Variants in KCTD1 observed in about 807,000 individuals in gnomAD.
KCTD1 encodes BTB/POZ domain-containing protein KCTD1.
Under a neutral mutation model 66.0 loss-of-function variants are expected in KCTD1, and 24 were observed. That is an observed-to-expected ratio of 0.36 (90% CI 0.26 to 0.51). KCTD1 has a LOEUF of 0.51. Ranked by LOEUF, KCTD1 falls within the 20% of genes least tolerant of loss-of-function variation. KCTD1 has a pLI of 0.95. For missense variants in KCTD1, 943 were observed against 1,205.2 expected (o/e 0.78, Z 3.22); for synonymous variants, 511 against 517.2 (o/e 0.99, Z 0.16).
chr18:26,617,250 A>C (rs1359073856), intron 1 of KCTD1, among the ~76,000 whole-genome samples: 1 of 152,208 alleles, frequency 6.6e-6, no homozygotes, highest in East Asian at 1.9e-4. Context: ...CTGCTCAAAA[A>C]ACAGAGTATG....
intron 1 of KCTD1, among the ~76,000 whole-genome samples, chr18:26,637,374 G>A (rs1490553817): frequency 3.9e-5 from 6 of 152,222 alleles, no homozygotes; most frequent in Admixed American, 6.5e-5. Context: ...AACGAAGAAT[G>A]TTCTCTCAAA....
At chr18:26,597,511 A>T (rs1208976616) in intron 1 of KCTD1, among the ~76,000 whole-genome samples, 2 of 152,178 alleles carry the variant, frequency 1.3e-5, no homozygotes, top group African/African-American at 4.8e-5. Flanking sequence ...AGATAAGCAG[A>T]TATAAAAACA....
intron 1 of KCTD1, among the ~76,000 whole-genome samples, chr18:26,594,134 C>A (rs1986713031): frequency 6.6e-6 from 1 of 152,162 alleles, no homozygotes; most frequent in Non-Finnish European, 1.5e-5. Context: ...CTCTTCTGCT[C>A]TCCAGGCATT....
At chr18:26,457,544 C>CA (rs1371171250) in intron 4 of KCTD1, 2 of 152,214 alleles carry the variant, frequency 1.3e-5, no homozygotes, top group African/African-American at 4.8e-5. Flanking sequence ...TAAATGCTAA[C>CA]AGGAGGAAAT....
intron 3 of KCTD1, among the ~76,000 whole-genome samples, chr18:26,463,691 T>G (rs1317252173): frequency 6.6e-6 from 1 of 152,048 alleles, no homozygotes; most frequent in Non-Finnish European, 1.5e-5. Flanking sequence ...TGCCCACCAC[T>G]ACGCCCGGCT....
chr18:26,557,056 G>C (rs1257856605), intron 1 of KCTD1, among the ~76,000 whole-genome samples: 1 of 152,188 alleles, frequency 6.6e-6, no homozygotes, highest in African/African-American at 2.4e-5. Flanking sequence ...CCTGACTCCA[G>C]GGAGGGGCAA....
At chr18:26,474,268 CT>C (rs1457126239) in intron 3 of KCTD1, among the ~76,000 whole-genome samples, 5 of 152,132 alleles carry the variant, frequency 3.3e-5, no homozygotes, top group African/African-American at 1.2e-4. Flanking sequence ...AATGAACTTT[CT>C]TTTTTAGAAA....
At chr18:26,589,106 G>T (rs1986538159) in intron 1 of KCTD1, among the ~76,000 whole-genome samples, 3 of 152,196 alleles carry the variant, frequency 2.0e-5, no homozygotes, top group Non-Finnish European at 4.4e-5. Flanking sequence ...ATACCTGCAT[G>T]AGGCGACCTC....
In KCTD1 at chr18:26,656,437, G is replaced by C. The variant is rs373583415; in HGVS notation, c.9+923C>G. On this transcript the variant is annotated intron_variant, in intron 1 of 4. Transcript: ENST00000580191. ...AGAGCTTTTTAAAAATAAATGAAAC[G>C]TTTGCATCCAAAAGGGGGAGGAGGG... 1.7e-3 allele frequency among the ~76,000 whole-genome samples: 263 copies of C among 152,132 alleles called. 1 individual carries two copies. Among genetic ancestry groups the C allele is most frequent in the East Asian group, 7.4e-3 (38 of 5,124 alleles).
intron 1 of KCTD1, among the ~76,000 whole-genome samples, chr18:26,625,326 T>C (rs1474311298): frequency 6.6e-6 from 1 of 152,164 alleles, no homozygotes; most frequent in Non-Finnish European, 1.5e-5. Flanking sequence ...CCCCACGCCA[T>C]GTCTCATCTT....
chr18:26,545,716 ACTAG>A (rs1421813075), intron 1 of KCTD1: 1 of 151,938 alleles, frequency 6.6e-6, no homozygotes, highest in East Asian at 1.9e-4. Flanking sequence ...TGACTCCTAG[ACTAG>A]AGAGTGTCCA....
At chr18:26,615,641 G>A (rs750062574) in intron 1 of KCTD1, among the ~76,000 whole-genome samples, 2 of 152,136 alleles carry the variant, frequency 1.3e-5, no homozygotes, top group Non-Finnish European at 2.9e-5. Flanking sequence ...TTGAGATACA[G>A]CATTCTACCC....
At chr18:26,569,964 A>C (rs1986065641) in intron 1 of KCTD1, among the ~76,000 whole-genome samples, 2 of 152,098 alleles carry the variant, frequency 1.3e-5, no homozygotes, top group South Asian at 4.1e-4. Flanking sequence ...AGGTGGGTGG[A>C]TCACCTGAGG....
chr18:26,636,995 C>G (rs953563648), intron 1 of KCTD1, among the ~76,000 whole-genome samples: 1 of 152,238 alleles, frequency 6.6e-6, no homozygotes, highest in African/African-American at 2.4e-5. Flanking sequence ...AGCGGTGAAG[C>G]GGGGATTCCT....
chr18:26,588,542 A>G (rs1986522670), intron 1 of KCTD1, among the ~76,000 whole-genome samples: 1 of 152,186 alleles, frequency 6.6e-6, no homozygotes, highest in Admixed American at 6.5e-5. Flanking sequence ...AGTAATGAAG[A>G]GTTGGGCACA....
intron 1 of KCTD1, among the ~76,000 whole-genome samples, chr18:26,625,481 T>C (rs1324995934): frequency 6.6e-6 from 1 of 152,182 alleles, no homozygotes; most frequent in African/African-American, 2.4e-5. Context: ...TTTTCCCCTT[T>C]TGCTCAGCAC....
intron 1 of KCTD1, among the ~76,000 whole-genome samples, chr18:26,589,211 C>T (rs539391800): frequency 1.3e-5 from 2 of 152,300 alleles, no homozygotes; most frequent in African/African-American, 4.8e-5. Flanking sequence ...AACAGAGAGA[C>T]AAGACTCGGG....
intron 2 of KCTD1, among the ~76,000 whole-genome samples, chr18:26,485,213 C>T (rs762658285): frequency 6.6e-6 from 1 of 152,170 alleles, no homozygotes. Context: ...GTGCAGGGCA[C>T]AGTATAGAGT....
chr18:26,571,518 G>A (rs4271669), intron 1 of KCTD1, among the ~76,000 whole-genome samples: 13,365 of 152,138 alleles, frequency 0.088, 685 homozygotes, highest in South Asian at 0.15. Flanking sequence ...ACATCCTCCC[G>A]TGTACTTTAA....
Sources: allele counts gnomAD v4.1 joint callset (sites outside exome capture counted in the v4.1 genomes callset), GRCh38; gene constraint gnomAD v4.1.1; transcripts MANE v1.5; gene names NCBI Gene and HGNC (gene_info 2026-07-23, HGNC 2026-07-21).